Variants in PLCD4 observed in about 807,000 individuals in gnomAD.
PLCD4 encodes 1-phosphatidylinositol 4,5-bisphosphate phosphodiesterase delta-4.
Under a neutral mutation model 90.2 loss-of-function variants are expected in PLCD4, and 63 were observed. That is an observed-to-expected ratio of 0.70 (90% CI 0.57 to 0.86). The LOEUF (loss-of-function observed/expected upper bound fraction) is 0.86. Among genes scored for constraint, PLCD4 ranks in the 40% least tolerant of loss-of-function variants. PLCD4 has a pLI of 0.00. For missense variants in PLCD4, 830 were observed against 956.3 expected (o/e 0.87, Z 1.74); for synonymous variants, 294 against 356.5 (o/e 0.82, Z 1.97).
intron 3 of PLCD4, among the ~76,000 whole-genome samples, chr2:218,618,008 A>G (rs1407396513): frequency 1.3e-5 from 2 of 152,150 alleles, no homozygotes; most frequent in Non-Finnish European, 2.9e-5. Context: ...AATGGCGTGA[A>G]CCTGGGAGGT....
chr2:218,617,104 A>G (rs1695651095), intron 3 of PLCD4, among the ~76,000 whole-genome samples: 2 of 143,274 alleles, frequency 1.4e-5, no homozygotes, highest in East Asian at 2.2e-4. Context: ...GGCTGGGACT[A>G]CAGGCACCCG....
intron 3 of PLCD4, among the ~76,000 whole-genome samples, chr2:218,616,923 TATATAGAGAGAGAGAG>T (rs1482732789): frequency 1.2e-3 from 29 of 24,124 alleles, no homozygotes; most frequent in African/African-American, 4.6e-3. Context: ...TATATATATA[TATATAGAGAGAGAGAG>T]AGAGAGAGAG....
chr2:218,628,431 T>C (rs1255614824), intron 7 of PLCD4: 1 of 527,552 alleles, frequency 1.9e-6, no homozygotes, highest in East Asian at 2.9e-5. Context: ...ATGGAACTTC[T>C]CTTTCACAAG....
At position 218,635,917 on chromosome 2, in the gene PLCD4, A is replaced by T. The variant is rs1696712118; in HGVS notation, c.2018A>T (p.Tyr673Phe). The change falls in exon 14 of 16, where the codon TAT (tyrosine) becomes TTT (phenylalanine). Residue 673 changes from tyrosine to phenylalanine, a missense_variant. Physicochemically the swap from Tyr to Phe is conservative, Grantham distance 22 (BLOSUM62 3). Transcript: ENST00000450993. ...GACACAGCACGGCAGGAGACCAACTATGTGGAGAACAATGGTGAGAAACTG... is the reference window on the plus strand; with the variant it reads ...GACACAGCACGGCAGGAGACCAACTTTGTGGAGAACAATGGTGAGAAACTG... ...RLDTARQETN[Y>F]VENNGFNPYW... 6.2e-7 allele frequency: 1 copy of T among 1,613,892 alleles called. No individual in the cohort carries two copies. The highest frequency in any genetic ancestry group is 1.7e-5 in the Admixed American group (1 of 60,002).
chr2:218,618,066 A>T (rs1442423141), intron 3 of PLCD4, among the ~76,000 whole-genome samples: 5 of 151,698 alleles, frequency 3.3e-5, no homozygotes, highest in Non-Finnish European at 7.4e-5. Context: ...CAGCCTGGGC[A>T]ACAGAGCGAG....
At position 218,624,836 on chromosome 2, in the gene PLCD4, C is replaced by T. The variant is rs146124749; in HGVS notation, c.772+1958C>T. Among the ~76,000 whole-genome samples the T allele has an allele frequency of 1.1e-4, 17 of 151,528 alleles. No homozygotes were observed. The East Asian group carries it at 2.1e-3, about 19-fold the overall frequency. ...TAAGAGATAGAATCTCTAGGCCGGG[C>T]GCTGTGGCTCATGCTTGGAATCCCA... On this transcript the variant is annotated intron_variant, in intron 6 of 15. Coordinates refer to ENST00000450993, the MANE Select transcript of PLCD4 (RefSeq NM_032726.4).
At position 218,636,433 on chromosome 2, in the gene PLCD4, T is replaced by C. The variant is rs753034648; in HGVS notation, c.2183-38T>C. On this transcript the variant is annotated intron_variant, in intron 15 of 15. Coordinates refer to ENST00000450993, the MANE Select transcript of PLCD4 (RefSeq NM_032726.4). Reference sequence around the variant, plus strand: ...TGGCCCCTGGCCAATACCCCAGCTCTGGCTGCCTTCCTAATGCTGTCCTCC... The same window carrying C: ...TGGCCCCTGGCCAATACCCCAGCTCCGGCTGCCTTCCTAATGCTGTCCTCC... The C allele has an allele frequency of 8.1e-6, 13 of 1,613,874 alleles. 1 individual carries two copies. The Admixed American group carries it at 1.3e-4, about 17-fold the overall frequency.
intron 11 of PLCD4, 141 bp downstream of exon 11, chr2:218,633,902 G>A (rs574737610): frequency 4.0e-6 from 5 of 1,237,856 alleles, no homozygotes; most frequent in Non-Finnish European, 5.7e-6. Context: ...GAGCAGACAA[G>A]GGCAGAGGAG....
At position 218,634,223 on chromosome 2, in the gene PLCD4, TGA is replaced by T. The variant is rs1405410569; in HGVS notation, c.1723+4_1723+5del. 5.6e-6 allele frequency: 9 copies of T among 1,606,716 alleles called. No individual in the cohort carries two copies. Among genetic ancestry groups the T allele is most frequent in the African/African-American group, 1.3e-5 (1 of 74,716 alleles). ...TCTGGAATGCAGGCTGCCAGATGGG[TGA>T]GGAGGCAGCAGGGACTGGGAAGAGG... On this transcript the variant is annotated splice_donor_region_variant and intron_variant, in intron 12 of 15. Coordinates refer to ENST00000450993, the MANE Select transcript of PLCD4 (RefSeq NM_032726.4). The surrounding 1 kb of genome is among the most constrained non-coding windows in gnomAD (Gnocchi z 4.0).
Position 218,627,455 on chromosome 2 carries a change from T to TA in PLCD4, c.773-563dup, listed in dbSNP as rs796099156. ...GCATAAAAAAAGACCAAAAAAAAGTTAAAAAAAAAAAGACATTTATCTCAT... is the reference window on the plus strand; with the variant it reads ...GCATAAAAAAAGACCAAAAAAAAGTTAAAAAAAAAAAAGACATTTATCTCAT... On this transcript the variant is annotated intron_variant, in intron 6 of 15. Transcript: ENST00000450993. 8.5e-3 allele frequency among the ~76,000 whole-genome samples: 1,227 copies of TA among 144,876 alleles called. 5 individuals carry two copies. The highest frequency in any genetic ancestry group is 0.018 in the Middle Eastern group (5 of 280).
intron 1 of PLCD4, among the ~76,000 whole-genome samples, chr2:218,610,366 G>T (rs564076705): frequency 4.7e-4 from 72 of 152,034 alleles, no homozygotes; most frequent in African/African-American, 1.7e-3. Context: ...AAATTAGCCA[G>T]GCGTGGTGGC....
chr2:218,615,828 G>A lies in PLCD4; in HGVS notation c.22+67G>A, dbSNP rs1048619504. 6 of 1,602,794 alleles carry A rather than the reference G, an allele frequency of 3.7e-6. No individual in the cohort carries two copies. The African/African-American group carries it at 6.7e-5, about 18-fold the overall frequency. On this transcript the variant is annotated intron_variant, in intron 2 of 15. Transcript: ENST00000450993. ...CAGCTCAGGGAAGGGAAGGAGGTTG[G>A]ACCCCTGTTCCAGAGCTCTCCCTGG...
chr2:218,610,350 TAAA>T (rs1251148026), intron 1 of PLCD4, among the ~76,000 whole-genome samples: 2 of 150,220 alleles, frequency 1.3e-5, no homozygotes, highest in Non-Finnish European at 3.0e-5. Context: ...CTACTAAAAA[TAAA>T]AAAAATTAGC....
chr2:218,618,678 T>C lies in PLCD4; in HGVS notation c.281T>C (p.Val94Ala). 1 of 1,613,896 alleles carries C rather than the reference T, an allele frequency of 6.2e-7. No individual in the cohort carries two copies. The change falls in exon 4 of 16, where the codon GTC (valine) becomes GCC (alanine). Residue 94 changes from valine (V) to alanine (A), a missense_variant. Physicochemically the swap from Val to Ala is moderately conservative, Grantham distance 64 (BLOSUM62 0). Transcript: ENST00000450993. ...ELPLEQGFTIVFHGRRSNLDL... is the reference protein window; with the variant it reads ...ELPLEQGFTIAFHGRRSNLDL... ...CCCCTGGAGCAGGGCTTCACCATTG[T>C]CTTCCATGGCCGCCGCTCCAACCTG...
intron 5 of PLCD4, chr2:218,622,382 A>G (rs1695925097): frequency 3.5e-6 from 1 of 287,558 alleles, no homozygotes. Context: ...AATGTTTAGG[A>G]GTTCCGTGGG....
In PLCD4 at chr2:218,636,178, G is replaced by A. The variant is rs1015489572; in HGVS notation, c.2033-65G>A. ...CCATCTAGATTAAATGAGAACACAA[G>A]AAAAGCAACCCAGTCAAGAAAACTG... On this transcript the variant is annotated intron_variant, in intron 14 of 15. Transcript: ENST00000450993. 107 of 1,553,572 alleles carry A rather than the reference G, an allele frequency of 6.9e-5. No homozygotes were observed. In the African/African-American group the frequency reaches 1.2e-3, roughly 18 times the overall value.
intron 9 of PLCD4, 147 bp from the exon 10 acceptor site, chr2:218,631,989 G>C: frequency 1.4e-6 from 1 of 737,990 alleles, no homozygotes; most frequent in South Asian, 2.1e-5. Context: ...AATTCCAATT[G>C]TATGTATCAA....
intron 3 of PLCD4, among the ~76,000 whole-genome samples, chr2:218,616,756 T>TACATACATACATA (rs1553571846): frequency 6.1e-5 from 9 of 148,578 alleles, no homozygotes; most frequent in Non-Finnish European, 8.9e-5. Flanking sequence ...CATACATACA[T>TACATACATACATA]CAAGCTTCAG....
chr2:218,629,361 T>C, intron 7 of PLCD4, 158 bp from the exon 8 acceptor site: 3 of 787,724 alleles, frequency 3.8e-6, no homozygotes, highest in Non-Finnish European at 5.9e-6. Flanking sequence ...TGCAGCAGTG[T>C]CCCCATGGAT....
Sources: allele counts gnomAD v4.1 joint callset (sites outside exome capture counted in the v4.1 genomes callset), GRCh38; gene constraint gnomAD v4.1.1; non-coding constraint Gnocchi (gnomAD v3.1); transcripts MANE v1.5; gene names NCBI Gene and HGNC (gene_info 2026-07-23, HGNC 2026-07-21).